The following OSBPL3 variants were observed in gnomAD, a reference collection of about 807,000 sequenced individuals.
OSBPL3 encodes the protein oxysterol-binding protein-related protein 3.
Under a neutral mutation model 120.1 loss-of-function variants are expected in OSBPL3, and 65 were observed. That is an observed-to-expected ratio of 0.54 (90% CI 0.44 to 0.67). The LOEUF is 0.67. Among genes scored for constraint, OSBPL3 ranks in the 30% least tolerant of loss-of-function variants. OSBPL3 has a pLI of 0.00. For synonymous variants in OSBPL3, 416 were observed against 402.6 expected (o/e 1.03, Z -0.40); for missense variants, 1,004 against 1,082.1 (o/e 0.93, Z 1.01).
Position 24,918,640 on chromosome 7 carries a change from C to A in OSBPL3, c.-149-26019G>T, listed in dbSNP as rs778197597. Among the ~76,000 whole-genome samples, 10 of 152,184 alleles carry A rather than the reference C, an allele frequency of 6.6e-5. No individual in the cohort carries two copies. Among genetic ancestry groups the A allele is most frequent in the Non-Finnish European group, 1.5e-4 (10 of 68,030 alleles). Reference sequence around the variant, plus strand: ...GGATCAACATTTAGTACTCACTTAACAAATGTTCACTAATCACTTACCATT... The same window carrying A: ...GGATCAACATTTAGTACTCACTTAAAAAATGTTCACTAATCACTTACCATT... On this transcript the variant is annotated intron_variant, in intron 1 of 22. Coordinates refer to ENST00000313367, the MANE Select transcript of OSBPL3 (RefSeq NM_015550.4). This position sits in a 1 kb window ranked among gnomAD's most constrained non-coding sequence, Gnocchi z 4.3.
intron 1 of OSBPL3, among the ~76,000 whole-genome samples, chr7:24,957,696 T>G (rs762012172): frequency 6.6e-6 from 1 of 152,166 alleles, no homozygotes. Flanking sequence ...TAAAAACTGC[T>G]TCCTCACTTG....
Position 24,919,825 on chromosome 7 carries a change from C to T in OSBPL3, c.-149-27204G>A, listed in dbSNP as rs1485394388. On this transcript the variant is annotated intron_variant, in intron 1 of 22. Coordinates refer to ENST00000313367, the MANE Select transcript of OSBPL3 (RefSeq NM_015550.4). ...ACTCAATAATAAAAAAACAAATAAT[C>T]CAATATTTTAAACAGGCATATAACT... is the stretch of plus-strand genomic sequence containing the variant. Among the ~76,000 whole-genome samples, 3 of 151,164 alleles carry T rather than the reference C, an allele frequency of 2.0e-5. No homozygotes were observed. In the East Asian group the frequency reaches 5.8e-4, roughly 29 times the overall value.
chr7:24,863,696 G>T lies in OSBPL3; in HGVS notation c.674-97C>A. The T allele has an allele frequency of 2.5e-6, 2 of 794,134 alleles. No individual in the cohort carries two copies. Among genetic ancestry groups the T allele is most frequent in the South Asian group, 3.2e-5 (2 of 61,692 alleles). 49.2% of individuals were successfully genotyped at this position (794,134 alleles called of 1,614,324 possible). On this transcript the variant is annotated intron_variant, in intron 7 of 22. Coordinates refer to ENST00000313367, the MANE Select transcript of OSBPL3 (RefSeq NM_015550.4). This position sits in a 1 kb window ranked among gnomAD's most constrained non-coding sequence, Gnocchi z 5.8. ...AGCTACTTTTCCTTATTTATCTGTA[G>T]TTGATTTTTTTTTTCATCTGTAAGG...
chr7:24,878,129 T>C (rs576060787), intron 2 of OSBPL3, among the ~76,000 whole-genome samples: 2 of 152,256 alleles, frequency 1.3e-5, no homozygotes, highest in African/African-American at 4.8e-5. Flanking sequence ...TTCATGCTCA[T>C]GCGCTGGCCA....
In OSBPL3 at chr7:24,852,545, G is replaced by GGGA; in HGVS notation, c.1114_1116dup (p.Ser372dup). On this transcript the variant is annotated inframe_insertion, in exon 11 of 23. Coordinates refer to ENST00000313367, the MANE Select transcript of OSBPL3 (RefSeq NM_015550.4). This position sits in a 1 kb window ranked among gnomAD's most constrained non-coding sequence, Gnocchi z 4.1. ...TTCAGACCAATGACCTGAGCAGACG[G>GGGA]GGAGGAGGAGGCATCCTGCTCCATC... is the stretch of plus-strand genomic sequence containing the variant. 1.9e-6 allele frequency: 3 copies of GGGA among 1,605,942 alleles called. No individual in the cohort carries two copies. The highest frequency in any genetic ancestry group is 2.5e-6 in the Non-Finnish European group (3 of 1,178,068).
rs1489996522 is a variant in OSBPL3, at chr7:24,872,428, C to T, written c.97-359G>A. ...TGTTCGTTCAGCACTAGACTTCAGTCTGAATTTTAACCGAAAGAGAGTGTG... is the reference window on the plus strand; with the variant it reads ...TGTTCGTTCAGCACTAGACTTCAGTTTGAATTTTAACCGAAAGAGAGTGTG... On this transcript the variant is annotated intron_variant, in intron 2 of 22. Transcript: ENST00000313367. The surrounding 1 kb of genome is among the most constrained non-coding windows in gnomAD (Gnocchi z 4.1). Among the ~76,000 whole-genome samples the T allele has an allele frequency of 6.9e-6, 1 of 145,942 alleles. No individual in the cohort carries two copies. The highest frequency in any genetic ancestry group is 1.5e-5 in the Non-Finnish European group (1 of 67,050).
chr7:24,849,298 A>G lies in OSBPL3; in HGVS notation c.1159-122T>C, dbSNP rs1798848245. 4.4e-6 allele frequency: 3 copies of G among 680,050 alleles called. No individual in the cohort carries two copies. In the South Asian group the frequency reaches 5.6e-5, roughly 13 times the overall value. 42.1% of individuals were successfully genotyped at this position (680,050 alleles called of 1,614,324 possible). A position where few individuals can be genotyped will look rare whatever the true frequency, so the allele number is the denominator to read the frequency against. ...GAAACTCTTAGTGACGTGGTCTGAC[A>G]GCGCACTTTCTGGACTTTTTCCTTG... is the stretch of plus-strand genomic sequence containing the variant. On this transcript the variant is annotated intron_variant, in intron 11 of 22. Coordinates refer to ENST00000313367, the MANE Select transcript of OSBPL3 (RefSeq NM_015550.4). The surrounding 1 kb of genome is among the most constrained non-coding windows in gnomAD (Gnocchi z 5.4).
At chr7:24,850,033 G>A (rs985925928) in intron 11 of OSBPL3, among the ~76,000 whole-genome samples, 1 of 152,040 alleles carries the variant, frequency 6.6e-6, no homozygotes, top group Non-Finnish European at 1.5e-5. Context: ...TTCCAATATG[G>A]GTATTGATTG....
rs930319242 is a variant in OSBPL3 at position 24,933,502 on chromosome 7, C to T, written c.-149-40881G>A. 6.6e-6 allele frequency among the ~76,000 whole-genome samples: 1 copy of T among 152,052 alleles called. No homozygotes were observed. Among genetic ancestry groups the T allele is most frequent in the African/African-American group, 2.4e-5 (1 of 41,386 alleles). ...GAACAAAAAAAATCCAGAAAAACAT[C>T]GAGAAAACTTTATTAACAGTCTCAA... On this transcript the variant is annotated intron_variant, in intron 1 of 22. Transcript: ENST00000313367. The surrounding 1 kb of genome is among the most constrained non-coding windows in gnomAD (Gnocchi z 5.1).
Position 24,902,076 on chromosome 7 carries a change from C to T in OSBPL3, c.-149-9455G>A, listed in dbSNP as rs191272850. Among the ~76,000 whole-genome samples the T allele has an allele frequency of 5.3e-5, 8 of 152,276 alleles. No individual in the cohort carries two copies. In the East Asian group the frequency reaches 1.5e-3, roughly 29 times the overall value. ...TTAGTCTCTCTAGATCTCAATTTTT[C>T]ATTTGCAAAATGGGAATAATTAAAG... On this transcript the variant is annotated intron_variant, in intron 1 of 22. Coordinates refer to ENST00000313367, the MANE Select transcript of OSBPL3 (RefSeq NM_015550.4).
chr7:24,971,202 A>G (rs1816983037), intron 1 of OSBPL3, among the ~76,000 whole-genome samples: 1 of 152,244 alleles, frequency 6.6e-6, no homozygotes, highest in Non-Finnish European at 1.5e-5. Flanking sequence ...GCTTGGCAAT[A>G]GAGGCCGAAA....
Position 24,817,395 on chromosome 7 carries a change from T to C in OSBPL3, c.1949-707A>G, listed in dbSNP as rs1437073551. On this transcript the variant is annotated intron_variant, in intron 17 of 22. Transcript: ENST00000313367. The surrounding 1 kb of genome is among the most constrained non-coding windows in gnomAD (Gnocchi z 4.0). ...AGCTGGGCGTTGTGGTGGGTGCCTG[T>C]AGTCCCAGCTGCTCAGGAGGCTGAG... is the stretch of plus-strand genomic sequence containing the variant. Among the ~76,000 whole-genome samples, 3 of 152,148 alleles carry C rather than the reference T, an allele frequency of 2.0e-5. No homozygotes were observed. Among genetic ancestry groups the C allele is most frequent in the African/African-American group, 7.2e-5 (3 of 41,418 alleles).
intron 10 of OSBPL3, among the ~76,000 whole-genome samples, chr7:24,859,233 A>G (rs1800201692): frequency 6.6e-6 from 1 of 152,190 alleles, no homozygotes; most frequent in African/African-American, 2.4e-5. Flanking sequence ...AAACAAAAAT[A>G]CGAAGTAGGA....
Position 24,834,198 on chromosome 7 carries a change from T to G in OSBPL3, c.1746+288A>C. 2.7e-6 allele frequency: 3 copies of G among 1,125,208 alleles called. No individual in the cohort carries two copies. The highest frequency in any genetic ancestry group is 3.3e-6 in the Non-Finnish European group (3 of 910,626). The allele number at this position is 1,125,208 out of a possible 1,614,324, so 69.7% of individuals were successfully genotyped here. A position where few individuals can be genotyped will look rare whatever the true frequency, so the allele number is the denominator to read the frequency against. On this transcript the variant is annotated intron_variant, in intron 15 of 22. Transcript: ENST00000313367. This position sits in a 1 kb window ranked among gnomAD's most constrained non-coding sequence, Gnocchi z 5.2. ...TTTCCAGCCGGGCACATCGGAACAA[T>G]CAGCCAGAAGGCTTCTGGAGAAAGA... is the stretch of plus-strand genomic sequence containing the variant.
rs573187410 is a variant in OSBPL3, at chr7:24,875,549, TTAA to T, written c.97-3483_97-3481del. ...AAATTATGTATTCAAGTAGGTTACA[TTAA>T]TAATGAATATCATTTGGACATAGTG... is the stretch of plus-strand genomic sequence containing the variant. On this transcript the variant is annotated intron_variant, in intron 2 of 22. Coordinates refer to ENST00000313367, the MANE Select transcript of OSBPL3 (RefSeq NM_015550.4). Among the ~76,000 whole-genome samples the T allele has an allele frequency of 4.6e-5, 7 of 152,252 alleles. No individual in the cohort carries two copies. In the East Asian group the frequency reaches 1.4e-3, roughly 29 times the overall value.
Position 24,807,267 on chromosome 7 carries a change from C to T in OSBPL3, c.2318-365G>A, listed in dbSNP as rs149216367. 8.9e-3 allele frequency among the ~76,000 whole-genome samples: 1,355 copies of T among 151,532 alleles called. 11 individuals carry two copies. Among genetic ancestry groups the T allele is most frequent in the African/African-American group, 0.027 (1,101 of 41,440 alleles). On this transcript the variant is annotated intron_variant, in intron 20 of 22. Transcript: ENST00000313367. Reference sequence around the variant, plus strand: ...CAGCACTTTGGGAGGCTGAGGCAGGCGGATCACCTGAGGTCAGGAGTTCGA... The same window carrying T: ...CAGCACTTTGGGAGGCTGAGGCAGGTGGATCACCTGAGGTCAGGAGTTCGA...
rs888582254 is a variant in OSBPL3 at position 24,952,080 on chromosome 7, C to T, written c.-150+27806G>A. Among the ~76,000 whole-genome samples, 1 of 152,050 alleles carries T rather than the reference C, an allele frequency of 6.6e-6. No individual in the cohort carries two copies. The highest frequency in any genetic ancestry group is 2.4e-5 in the African/African-American group (1 of 41,400). On this transcript the variant is annotated intron_variant, in intron 1 of 22. Coordinates refer to ENST00000313367, the MANE Select transcript of OSBPL3 (RefSeq NM_015550.4). The surrounding 1 kb of genome is among the most constrained non-coding windows in gnomAD (Gnocchi z 4.4). Reference sequence around the variant, plus strand: ...AAGAACACGAATGAATGTAGAGGGGCCTCCCCACCGGCCATTCTTTCAAGC... The same window carrying T: ...AAGAACACGAATGAATGTAGAGGGGTCTCCCCACCGGCCATTCTTTCAAGC...
At position 24,913,128 on chromosome 7, in the gene OSBPL3, G is replaced by A. The variant is rs1286577973; in HGVS notation, c.-149-20507C>T. On this transcript the variant is annotated intron_variant, in intron 1 of 22. Coordinates refer to ENST00000313367, the MANE Select transcript of OSBPL3 (RefSeq NM_015550.4). The surrounding 1 kb of genome is among the most constrained non-coding windows in gnomAD (Gnocchi z 5.3). The stretch of plus-strand genomic sequence containing the variant: ...TTCCTGCTGTCCCAGTTGCCAGTGA[G>A]TAGAGCAGAAACTATGTCTTTTCAT... Among the ~76,000 whole-genome samples the A allele has an allele frequency of 2.0e-5, 3 of 152,210 alleles. No individual in the cohort carries two copies. The highest frequency in any genetic ancestry group is 7.2e-5 in the African/African-American group (3 of 41,436).
Position 24,871,741 on chromosome 7 carries a change from C to T in OSBPL3, c.267+1G>A. 1 of 1,611,552 alleles carries T rather than the reference C, an allele frequency of 6.2e-7. No individual in the cohort carries two copies. Among genetic ancestry groups the T allele is most frequent in the East Asian group, 2.2e-5 (1 of 44,874 alleles). On this transcript the variant is annotated splice_donor_variant, in intron 4 of 22. Coordinates refer to ENST00000313367, the MANE Select transcript of OSBPL3 (RefSeq NM_015550.4). LOFTEE classifies it high-confidence loss of function. This position sits in a 1 kb window ranked among gnomAD's most constrained non-coding sequence, Gnocchi z 4.8. ...CACAGTGGGCCCACAAAAAGACTTACATCGGTTTGGCTCTTGGCATATTTC... is the reference window on the plus strand; with the variant it reads ...CACAGTGGGCCCACAAAAAGACTTATATCGGTTTGGCTCTTGGCATATTTC...
Sources: allele counts gnomAD v4.1 joint callset (sites outside exome capture counted in the v4.1 genomes callset), GRCh38; gene constraint gnomAD v4.1.1; non-coding constraint Gnocchi (gnomAD v3.1); transcripts MANE v1.5; gene names NCBI Gene and HGNC (gene_info 2026-07-23, HGNC 2026-07-21).